Variants in MACROH2A2 observed in about 807,000 individuals in gnomAD.
MACROH2A2 encodes core histone macro-H2A.2.
A neutral mutation model predicts 37.6 loss-of-function variants in MACROH2A2; 6 were observed. That is an observed-to-expected ratio of 0.16 (90% confidence interval 0.09 to 0.32). The LOEUF is 0.32. Ranked by LOEUF, MACROH2A2 falls within the 10% of genes least tolerant of loss-of-function variation. MACROH2A2 has a pLI of 1.00. For synonymous variants in MACROH2A2, 192 were observed against 202.7 expected, an observed-to-expected ratio of 0.95 and a Z score of 0.45; for missense variants, 290 against 485.9, an observed-to-expected ratio of 0.60 and a Z score of 3.79.
At chr10:70,103,667 G>A (rs1357196013) in intron 7 of MACROH2A2, among the ~76,000 whole-genome samples, 2 of 152,100 alleles carry the variant, frequency 1.3e-5, no homozygotes, top group Non-Finnish European at 2.9e-5. Context: ...CTGGAGTGTT[G>A]TGGTAAAGCC....
intron 1 of MACROH2A2, among the ~76,000 whole-genome samples, chr10:70,057,678 G>A (rs1255023554): frequency 4.6e-5 from 7 of 152,098 alleles, no homozygotes. Flanking sequence ...GAAATAGAGT[G>A]GACAAAGAGG....
chr10:70,061,824 T>G (rs16927227), intron 1 of MACROH2A2, among the ~76,000 whole-genome samples: 24,244 of 152,280 alleles, frequency 0.16, 2,032 homozygotes, highest in Middle Eastern at 0.24. Flanking sequence ...GCGTGCCATT[T>G]TGATGAAATT....
intron 1 of MACROH2A2, among the ~76,000 whole-genome samples, chr10:70,068,356 G>C (rs1382684016): frequency 6.6e-6 from 1 of 152,164 alleles, no homozygotes; most frequent in African/African-American, 2.4e-5. Context: ...CATTTATGAA[G>C]TGTTGAGGCC....
rs1216132032 is a variant in MACROH2A2 at position 70,111,761 on chromosome 10, AG to A, written c.*82del. On this transcript the variant is annotated 3_prime_UTR_variant, in exon 9 of 9. Transcript: ENST00000373255. ...GTTTTGCTTTTTAAAAGGAGAGAGG[AG>A]GGGTGATGGCAGGGGAGTGGAGGGT... 1.3e-5 allele frequency: 17 copies of A among 1,307,542 alleles called. No individual in the cohort carries two copies. Among genetic ancestry groups the A allele is most frequent in the Non-Finnish European group, 1.6e-5 (16 of 974,588 alleles). 81.0% of individuals were successfully genotyped at this position (1,307,542 alleles called of 1,614,324 possible). A position where few individuals can be genotyped will look rare whatever the true frequency, so the allele number is the denominator to read the frequency against.
At chr10:70,097,634 C>G (rs1028542718) in intron 6 of MACROH2A2, among the ~76,000 whole-genome samples, 1 of 152,154 alleles carries the variant, frequency 6.6e-6, no homozygotes. Context: ...CAGCTCTTAC[C>G]CCCTCCACAT....
chr10:70,097,063 T>C (rs551129360), intron 6 of MACROH2A2, among the ~76,000 whole-genome samples: 53 of 152,318 alleles, frequency 3.5e-4, no homozygotes, highest in African/African-American at 1.2e-3. Context: ...TTTTTTTTAA[T>C]TGGCATGGTG....
intron 1 of MACROH2A2, among the ~76,000 whole-genome samples, chr10:70,057,916 G>A (rs542309438): frequency 1.1e-4 from 17 of 152,240 alleles, no homozygotes; most frequent in Admixed American, 1.0e-3. Flanking sequence ...GTGGGGGGAT[G>A]GTGAAGAACA....
At chr10:70,101,352 G>T (rs151270296) in intron 7 of MACROH2A2, among the ~76,000 whole-genome samples, 1 of 152,116 alleles carries the variant, frequency 6.6e-6, no homozygotes, top group African/African-American at 2.4e-5. Flanking sequence ...AGATACAATC[G>T]ATCCTGGGAG....
At chr10:70,081,855 G>A (rs928835543) in intron 2 of MACROH2A2, among the ~76,000 whole-genome samples, 2 of 152,064 alleles carry the variant, frequency 1.3e-5, no homozygotes, top group African/African-American at 2.4e-5. Context: ...ATAATTGGAT[G>A]GTTTGTAACA....
intron 2 of MACROH2A2, among the ~76,000 whole-genome samples, chr10:70,080,647 C>G (rs1013310419): frequency 6.6e-5 from 10 of 151,584 alleles, no homozygotes; most frequent in African/African-American, 2.4e-4. Flanking sequence ...TTTGGGAGAT[C>G]AAGGCGAGTG....
intron 2 of MACROH2A2, among the ~76,000 whole-genome samples, chr10:70,084,188 T>C (rs1302920867): frequency 6.6e-6 from 1 of 152,166 alleles, no homozygotes; most frequent in Non-Finnish European, 1.5e-5. Context: ...AAAATTTTCT[T>C]ATCTAATGAT....
rs114220173 is a variant in MACROH2A2 at position 70,111,688 on chromosome 10, C to T, written c.*5C>T. 4,367 of 1,601,656 alleles carry T rather than the reference C, an allele frequency of 2.7e-3. 7 individuals are homozygous for T. The highest frequency in any genetic ancestry group is 0.015 in the African/African-American group (1,153 of 74,778). On this transcript the variant is annotated 3_prime_UTR_variant, in exon 9 of 9. Coordinates refer to ENST00000373255, the MANE Select transcript of MACROH2A2 (RefSeq NM_018649.3). ...GCCAAGCTCGACGCCAAGTAGCCGC[C>T]GCACTTTCCAGCAGGGATCGGAGGA...
chr10:70,107,586 G>A lies in MACROH2A2; in HGVS notation c.779-1447G>A, dbSNP rs1044591404. Among the ~76,000 whole-genome samples the A allele has an allele frequency of 1.3e-5, 2 of 152,160 alleles. No individual in the cohort carries two copies. The highest frequency in any genetic ancestry group is 2.4e-5 in the African/African-American group (1 of 41,432). ...GGGGAGTCCCACAGGGACTTCCCTC[G>A]AGCTTAGCAGCCACGGGGCTTTATC... On this transcript the variant is annotated intron_variant, in intron 7 of 8. Transcript: ENST00000373255. The surrounding 1 kb of genome is among the most constrained non-coding windows in gnomAD (Gnocchi z 4.4).
At chr10:70,088,441 A>G (rs1448637883) in intron 2 of MACROH2A2, among the ~76,000 whole-genome samples, 6 of 152,254 alleles carry the variant, frequency 3.9e-5, no homozygotes, top group African/African-American at 1.4e-4. Context: ...AAATTGAGGA[A>G]GAAAGAAAAA....
At position 70,107,397 on chromosome 10, in the gene MACROH2A2, C is replaced by T. The variant is rs1417505203; in HGVS notation, c.779-1636C>T. On this transcript the variant is annotated intron_variant, in intron 7 of 8. Transcript: ENST00000373255. The surrounding 1 kb of genome is among the most constrained non-coding windows in gnomAD (Gnocchi z 4.4). The stretch of plus-strand genomic sequence containing the variant: ...ACACAGCTCTGGAATACGGCGGACA[C>T]ACGTTTCTGTTACAAGTGCTGCCCC... Among the ~76,000 whole-genome samples the T allele has an allele frequency of 6.6e-6, 1 of 152,244 alleles. No individual in the cohort carries two copies. Among genetic ancestry groups the T allele is most frequent in the Non-Finnish European group, 1.5e-5 (1 of 68,046 alleles).
chr10:70,059,132 T>C (rs1370369772), intron 1 of MACROH2A2, among the ~76,000 whole-genome samples: 1 of 152,182 alleles, frequency 6.6e-6, no homozygotes, highest in Non-Finnish European at 1.5e-5. Context: ...GGTTGCTCTA[T>C]CTCTGTGAAT....
Position 70,111,831 on chromosome 10 carries a change from C to A in MACROH2A2, c.*148C>A. On this transcript the variant is annotated 3_prime_UTR_variant, in exon 9 of 9. Transcript: ENST00000373255. Reference sequence around the variant, plus strand: ...GGCGCAGGGAGCCCTCTGCCCTTCACACTCTCCTCCAAAAGAGCCTCCATC... The same window carrying A: ...GGCGCAGGGAGCCCTCTGCCCTTCAAACTCTCCTCCAAAAGAGCCTCCATC... 1 of 526,574 alleles carries A rather than the reference C, an allele frequency of 1.9e-6. No individual in the cohort carries two copies. Among genetic ancestry groups the A allele is most frequent in the East Asian group, 3.4e-5 (1 of 29,808 alleles). The allele number at this position is 526,574 out of a possible 1,614,324, so 32.6% of individuals were successfully genotyped here.
intron 2 of MACROH2A2, among the ~76,000 whole-genome samples, chr10:70,078,704 G>A (rs1445457332): frequency 1.3e-5 from 2 of 152,186 alleles, no homozygotes; most frequent in Admixed American, 6.5e-5. Flanking sequence ...TCAGGACAAA[G>A]TATAAATGAC....
chr10:70,105,570 G>C (rs2072332633), intron 7 of MACROH2A2, among the ~76,000 whole-genome samples: 1 of 152,208 alleles, frequency 6.6e-6, no homozygotes, highest in East Asian at 1.9e-4. Context: ...ACCATGAAGG[G>C]AGCCTGGGAG....
Sources: gnomAD v4.1 joint callset for allele counts (sites outside exome capture counted in the v4.1 genomes callset) on GRCh38, gnomAD v4.1.1 for gene constraint, Gnocchi (gnomAD v3.1) non-coding constraint, MANE v1.5 for transcripts, NCBI Gene and HGNC (gene_info 2026-07-23, HGNC 2026-07-21) for gene names.